Variants in ERC2 observed in about 807,000 individuals in gnomAD.
The protein encoded by ERC2 is ELKS/RAB6-interacting/CAST family member 2, also known as ERC protein 2.
ERC2 carries 42 observed loss-of-function variants against 114.8 expected under a neutral mutation model. That is an observed-to-expected ratio of 0.37 (90% CI 0.29 to 0.47). The LOEUF (loss-of-function observed/expected upper bound fraction) is 0.47. Among genes scored for constraint, ERC2 ranks in the 20% least tolerant of loss-of-function variants. ERC2 has a pLI of 0.99. For missense variants in ERC2, 939 were observed against 1,150.7 expected, an observed-to-expected ratio of 0.82 and a Z score of 2.66; for synonymous variants, 454 against 425.5, an observed-to-expected ratio of 1.07 and a Z score of -0.82.
At chr3:55,805,993 A>G (rs59879283) in intron 14 of ERC2, among the ~76,000 whole-genome samples, 21,690 of 152,206 alleles carry the variant, frequency 0.14, 1,745 homozygotes, top group East Asian at 0.23. Context: ...CAAAAATGAT[A>G]GAGCATACAA....
intron 2 of ERC2, among the ~76,000 whole-genome samples, chr3:56,301,785 G>A (rs1366689777): frequency 1.3e-5 from 2 of 151,256 alleles, no homozygotes; most frequent in Non-Finnish European, 3.0e-5. Flanking sequence ...AATATAATAA[G>A]AGAAATAATC....
intron 17 of ERC2, among the ~76,000 whole-genome samples, chr3:55,581,276 A>G (rs1341813830): frequency 1.3e-5 from 2 of 152,240 alleles, no homozygotes; most frequent in Non-Finnish European, 2.9e-5. Flanking sequence ...TAAGGGGGAA[A>G]GAAAACCATG....
intron 17 of ERC2, among the ~76,000 whole-genome samples, chr3:55,597,870 C>T (rs1298794667): frequency 1.3e-5 from 2 of 152,174 alleles, no homozygotes; most frequent in Admixed American, 1.3e-4. Context: ...GTGTTACAAT[C>T]TCAGTAAGAG....
chr3:56,018,003 T>G (rs1020592550), intron 8 of ERC2, among the ~76,000 whole-genome samples: 5 of 152,026 alleles, frequency 3.3e-5, no homozygotes, highest in Non-Finnish European at 7.4e-5. Context: ...AGAAGAGAAA[T>G]TAAAAACAGA....
intron 17 of ERC2, among the ~76,000 whole-genome samples, chr3:55,520,032 G>GTGAT (rs1225166556): frequency 6.8e-6 from 1 of 146,870 alleles, no homozygotes; most frequent in African/African-American, 2.6e-5. Flanking sequence ...CCCAGCCTGG[G>GTGAT]TGATAGAGTG....
At chr3:55,991,911 A>C (rs957513643) in intron 11 of ERC2, 146 bp downstream of exon 11, 1 of 675,474 alleles carries the variant, frequency 1.5e-6, no homozygotes, top group Non-Finnish European at 2.5e-6. Flanking sequence ...CAGAAACGTC[A>C]TCTTTCACAG....
intron 3 of ERC2, among the ~76,000 whole-genome samples, chr3:56,280,700 G>A (rs1287932355): frequency 6.6e-6 from 1 of 152,202 alleles, no homozygotes; most frequent in East Asian, 1.9e-4. Context: ...GAGTTTTCAT[G>A]TTTTAATGAA....
intron 13 of ERC2, among the ~76,000 whole-genome samples, chr3:55,917,734 A>G (rs1278277537): frequency 1.3e-5 from 2 of 152,158 alleles, no homozygotes; most frequent in Admixed American, 6.5e-5. Flanking sequence ...ACAACTCTGA[A>G]TATGCTGAAA....
intron 1 of ERC2, among the ~76,000 whole-genome samples, chr3:56,463,167 G>A (rs1035293635): frequency 6.6e-6 from 1 of 152,150 alleles, no homozygotes. Flanking sequence ...AGTCAAGGCT[G>A]CAGTGAGCTG....
At chr3:55,770,259 C>T (rs372649980) in intron 14 of ERC2, among the ~76,000 whole-genome samples, 3 of 152,318 alleles carry the variant, frequency 2.0e-5, no homozygotes, top group African/African-American at 7.2e-5. Flanking sequence ...GTAGGGGTCA[C>T]TTGTTATCCT....
chr3:55,570,984 G>A (rs1219471998), intron 17 of ERC2, among the ~76,000 whole-genome samples: 1 of 151,958 alleles, frequency 6.6e-6, no homozygotes, highest in Non-Finnish European at 1.5e-5. Flanking sequence ...AAATTAGCTG[G>A]GCATGGTTTG....
intron 2 of ERC2, among the ~76,000 whole-genome samples, chr3:56,366,904 T>C (rs2059171674): frequency 6.6e-6 from 1 of 152,232 alleles, no homozygotes; most frequent in African/African-American, 2.4e-5. Flanking sequence ...AGCTTGGCTC[T>C]AATCCAGAGA....
chr3:56,197,333 T>G, intron 3 of ERC2, among the ~76,000 whole-genome samples: 1 of 152,322 alleles, frequency 6.6e-6, no homozygotes, highest in South Asian at 2.1e-4. Flanking sequence ...GCTTCTAAAC[T>G]TCCTGATCAC....
intron 3 of ERC2, among the ~76,000 whole-genome samples, chr3:56,236,404 C>G (rs1204382606): frequency 6.6e-6 from 1 of 152,190 alleles, no homozygotes; most frequent in Non-Finnish European, 1.5e-5. Context: ...TGAAGGCCAT[C>G]TGCTGAGCAG....
At chr3:56,066,598 T>C (rs1384417204) in intron 7 of ERC2, among the ~76,000 whole-genome samples, 4 of 152,234 alleles carry the variant, frequency 2.6e-5, no homozygotes. Flanking sequence ...TTGCAATTGT[T>C]TTTGATGATG....
rs190900230 is a variant in ERC2, at chr3:55,668,455, C to T, written c.*39+15339G>A. Among the ~76,000 whole-genome samples the T allele has an allele frequency of 1.1e-4, 17 of 152,306 alleles. No homozygotes were observed. The East Asian group carries it at 3.1e-3, about 28-fold the overall frequency. ...TAGAGTTACACATGGACAAAGGAAG[C>T]CTTCCTTAACGGTTGTGCTCCACTC... On this transcript the variant is annotated intron_variant, in intron 17 of 17. Transcript: ENST00000288221.
chr3:56,320,643 G>A (rs548267322), intron 2 of ERC2, among the ~76,000 whole-genome samples: 1 of 152,026 alleles, frequency 6.6e-6, no homozygotes, highest in Non-Finnish European at 1.5e-5. Flanking sequence ...TGACTTCAAA[G>A]AACTAGAATG....
rs1473733657 is a variant in ERC2, at chr3:56,283,030, G to A, written c.1074+12989C>T. Among the ~76,000 whole-genome samples, 10 of 152,192 alleles carry A rather than the reference G, an allele frequency of 6.6e-5. 1 individual carries two copies. In the South Asian group the frequency reaches 2.1e-3, roughly 32 times the overall value. ...TCATTGTGTCTCAGAAGTCCCCACGGTCAGCACAAATATCCTCAAATGTCC... is the reference window on the plus strand; with the variant it reads ...TCATTGTGTCTCAGAAGTCCCCACGATCAGCACAAATATCCTCAAATGTCC... On this transcript the variant is annotated intron_variant, in intron 3 of 17. Coordinates refer to ENST00000288221, the MANE Select transcript of ERC2 (RefSeq NM_015576.3).
intron 14 of ERC2, among the ~76,000 whole-genome samples, chr3:55,843,535 A>T (rs1051092558): frequency 2.0e-5 from 3 of 152,262 alleles, no homozygotes; most frequent in Admixed American, 6.5e-5. Flanking sequence ...TCAAGAAGAG[A>T]TCAAAAGTGT....
Sources: allele counts gnomAD v4.1 joint callset (sites outside exome capture counted in the v4.1 genomes callset), GRCh38; gene constraint gnomAD v4.1.1; transcripts MANE v1.5; gene names NCBI Gene and HGNC (gene_info 2026-07-23, HGNC 2026-07-21).